The following TBCD variants were observed in gnomAD, a reference collection of about 807,000 sequenced individuals.
TBCD encodes the protein tubulin-specific chaperone D.
Under a neutral mutation model 169.3 loss-of-function variants are expected in TBCD, and 105 were observed. That is an observed-to-expected ratio of 0.62 (90% CI 0.53 to 0.73). The LOEUF is 0.73. Among genes scored for constraint, TBCD ranks in the 30% least tolerant of loss-of-function variants. The pLI, the probability that TBCD is intolerant of heterozygous loss-of-function variation, is 0.00. For missense variants in TBCD, 1,444 were observed against 1,600.1 expected (o/e 0.90, Z 1.66); for synonymous variants, 700 against 643.9 (o/e 1.09, Z -1.32).
rs114391003 is a variant in TBCD at position 82,835,920 on chromosome 17, A to G, written c.1318+20986A>G. On this transcript the variant is annotated intron_variant, in intron 13 of 38. Transcript: ENST00000355528. This position sits in a 1 kb window ranked among gnomAD's most constrained non-coding sequence, Gnocchi z 4.5. ...GCGAGGCACGGTTTGGATGAGGACA[A>G]GATGTTTGTTACCCTACAACCAGGG... Among the ~76,000 whole-genome samples, 4,383 of 152,262 alleles carry G rather than the reference A, an allele frequency of 0.029. 233 individuals are homozygous for G. Among genetic ancestry groups the G allele is most frequent in the African/African-American group, 0.099 (4,109 of 41,540 alleles).
chr17:82,858,297 A>G (rs1378332843), intron 13 of TBCD, among the ~76,000 whole-genome samples: 2 of 152,198 alleles, frequency 1.3e-5, no homozygotes, highest in East Asian at 3.8e-4. Context: ...TGATCTAGTT[A>G]GGTTTGGTTA....
intron 17 of TBCD, among the ~76,000 whole-genome samples, chr17:82,896,627 G>A (rs112145276): frequency 0.012 from 1,787 of 151,992 alleles, 34 homozygotes; most frequent in African/African-American, 0.04. Flanking sequence ...CACCACGCCC[G>A]GCTAATTTTT....
chr17:82,907,234 G>A lies in TBCD; in HGVS notation c.1923-527G>A, dbSNP rs116165253. Among the ~76,000 whole-genome samples, 1,284 of 152,352 alleles carry A rather than the reference G, an allele frequency of 8.4e-3. 22 individuals carry two copies. The highest frequency in any genetic ancestry group is 0.029 in the African/African-American group (1,223 of 41,586). ...CGCATGCCAGCCCAGGTCTGATCTC[G>A]CCAGGGACCTTCCCTTGGATGTCAG... On this transcript the variant is annotated intron_variant, in intron 20 of 38. Transcript: ENST00000355528.
chr17:82,868,697 C>T (rs116901628), intron 13 of TBCD, among the ~76,000 whole-genome samples: 2,627 of 152,316 alleles, frequency 0.017, 38 homozygotes, highest in Non-Finnish European at 0.024. Context: ...ATATAATATT[C>T]GTAGTCCTAC....
chr17:82,830,670 G>A lies in TBCD; in HGVS notation c.1318+15736G>A, dbSNP rs138155684. On this transcript the variant is annotated intron_variant, in intron 13 of 38. Coordinates refer to ENST00000355528, the MANE Select transcript of TBCD (RefSeq NM_005993.5). ...CCTTCACCGAGAGATTGAGTGGAAG[G>A]TCCTGCAGCTCTGAGAAGCTGGCGG... 8.6e-4 allele frequency: 1,385 copies of A among 1,614,154 alleles called. 1 individual carries two copies. The highest frequency in any genetic ancestry group is 1.4e-3 in the Admixed American group (86 of 60,036).
intron 34 of TBCD, among the ~76,000 whole-genome samples, chr17:82,933,054 G>T (rs1249065157): frequency 1.3e-5 from 2 of 151,938 alleles, no homozygotes; most frequent in Admixed American, 6.5e-5. Context: ...GCTGGGAGCC[G>T]CAGGGCCTGA....
chr17:82,871,884 T>G (rs1478361787), intron 14 of TBCD, among the ~76,000 whole-genome samples: 1 of 152,106 alleles, frequency 6.6e-6, no homozygotes, highest in Non-Finnish European at 1.5e-5. Flanking sequence ...CACCCGGGTG[T>G]AAGCGCCACT....
intron 7 of TBCD, among the ~76,000 whole-genome samples, chr17:82,785,791 G>A (rs1371393132): frequency 6.9e-6 from 1 of 144,334 alleles, no homozygotes; most frequent in Non-Finnish European, 1.5e-5. Flanking sequence ...CCCGCCCATC[G>A]CAGCGGGAGG....
At chr17:82,797,914 G>T (rs571537671) in intron 8 of TBCD, 112 bp downstream of exon 8, 5 of 406,356 alleles carry the variant, frequency 1.2e-5, no homozygotes, top group East Asian at 8.4e-5. Flanking sequence ...ACATTGGTAT[G>T]TTTGGACACT....
rs899707024 is a variant in TBCD, at chr17:82,915,653, GT to G, written c.2038+3871del. On this transcript the variant is annotated intron_variant, in intron 23 of 38. Transcript: ENST00000355528. This position sits in a 1 kb window ranked among gnomAD's most constrained non-coding sequence, Gnocchi z 4.3. ...GTTTCAGTGTCTTAAAACCACAGGT[GT>G]TTTTTTATCCTGCTCACATGTGGAT... 1.1e-4 allele frequency among the ~76,000 whole-genome samples: 17 copies of G among 152,304 alleles called. No homozygotes were observed. Among genetic ancestry groups the G allele is most frequent in the African/African-American group, 4.1e-4 (17 of 41,576 alleles).
chr17:82,887,555 C>G (rs1381139766), intron 15 of TBCD, among the ~76,000 whole-genome samples: 1 of 152,118 alleles, frequency 6.6e-6, no homozygotes, highest in Non-Finnish European at 1.5e-5. Context: ...AGGATGGTTT[C>G]TAGTCTTTAA....
intron 27 of TBCD, among the ~76,000 whole-genome samples, chr17:82,925,713 C>T (rs2147231501): frequency 6.6e-6 from 1 of 152,326 alleles, no homozygotes; most frequent in South Asian, 2.1e-4. Context: ...CCATCTAAAA[C>T]TCGCATGTGG....
intron 18 of TBCD, among the ~76,000 whole-genome samples, chr17:82,901,477 T>C (rs893765769): frequency 4.1e-5 from 6 of 148,138 alleles, no homozygotes; most frequent in Non-Finnish European, 7.7e-5. Flanking sequence ...GCGGCCCGGC[T>C]GCCTGCCGTG....
intron 13 of TBCD, among the ~76,000 whole-genome samples, chr17:82,840,954 G>T (rs12602383): frequency 0.82 from 36,471 of 44,242 alleles, 15,314 homozygotes; most frequent in South Asian, 0.87. Context: ...AGACAAACTG[G>T]TTTTTTTTTT....
At chr17:82,788,259 A>C (rs1335054720) in intron 7 of TBCD, among the ~76,000 whole-genome samples, 2 of 152,126 alleles carry the variant, frequency 1.3e-5, no homozygotes, top group African/African-American at 2.4e-5. Context: ...ACAAAAAGGA[A>C]AATGGCTGTC....
intron 12 of TBCD, among the ~76,000 whole-genome samples, chr17:82,812,509 G>T (rs1300034488): frequency 1.3e-5 from 2 of 152,144 alleles, no homozygotes; most frequent in Non-Finnish European, 2.9e-5. Flanking sequence ...GCATCCCTCC[G>T]GGGACTGATG....
chr17:82,779,870 T>TG (rs1398936978), intron 6 of TBCD, among the ~76,000 whole-genome samples: 1 of 152,028 alleles, frequency 6.6e-6, no homozygotes, highest in Non-Finnish European at 1.5e-5. Context: ...GGGCGTCGCG[T>TG]GGGGCACTCC....
intron 17 of TBCD, among the ~76,000 whole-genome samples, chr17:82,899,488 C>A (rs555571236): frequency 6.6e-6 from 1 of 152,262 alleles, no homozygotes; most frequent in Non-Finnish European, 1.5e-5. Flanking sequence ...GTGTCTGCAC[C>A]TCCTTTTGGT....
intron 13 of TBCD, among the ~76,000 whole-genome samples, chr17:82,862,302 G>T (rs2056837607): frequency 6.6e-6 from 1 of 151,922 alleles, no homozygotes; most frequent in South Asian, 2.1e-4. Context: ...TATGCAGGGG[G>T]GCTGCATAAT....
Sources: gnomAD v4.1 joint callset for allele counts (sites outside exome capture counted in the v4.1 genomes callset) on GRCh38, gnomAD v4.1.1 for gene constraint, Gnocchi (gnomAD v3.1) non-coding constraint, MANE v1.5 for transcripts, NCBI Gene and HGNC (gene_info 2026-07-23, HGNC 2026-07-21) for gene names.